Variants in ADCY7 observed in about 807,000 individuals in gnomAD.
ADCY7 encodes the protein adenylate cyclase 7, also known as adenylate cyclase type 7.
Under a neutral mutation model 120.6 loss-of-function variants are expected in ADCY7, and 72 were observed. The ratio of observed to expected loss-of-function variants is 0.60; its 90% CI spans 0.49 to 0.73. The LOEUF (loss-of-function observed/expected upper bound fraction) is 0.73. Among genes scored for constraint, ADCY7 ranks in the 30% least tolerant of loss-of-function variants. The probability of loss-of-function intolerance (pLI) is 0.00; values close to 1 mark genes in which losing one functional copy is unlikely to be tolerated. For missense variants in ADCY7, 1,227 were observed against 1,486.0 expected, an observed-to-expected ratio of 0.83 and a Z score of 2.87; for synonymous variants, 661 against 628.0, an observed-to-expected ratio of 1.05 and a Z score of -0.78.
chr16:50,291,961 G>T (rs1405885985), intron 4 of ADCY7, 64 bp downstream of exon 4: 3 of 1,521,004 alleles, frequency 2.0e-6, no homozygotes, highest in African/African-American at 1.4e-5. Flanking sequence ...CAGATGGGGG[G>T]GCCCCCTCTG....
At chr16:50,296,147 G>C (rs1039743350) in intron 7 of ADCY7, among the ~76,000 whole-genome samples, 2 of 152,144 alleles carry the variant, frequency 1.3e-5, no homozygotes, top group Admixed American at 1.3e-4. Flanking sequence ...CAACCTGCCT[G>C]GGCTCAGGCG....
chr16:50,279,909 TTTG>T (rs1167127128), intron 1 of ADCY7, among the ~76,000 whole-genome samples: 1 of 152,186 alleles, frequency 6.6e-6, no homozygotes, highest in Non-Finnish European at 1.5e-5. Flanking sequence ...TTTTCCTTTT[TTTG>T]TTGTGTCTCT....
chr16:50,316,031 CG>C lies in ADCY7; in HGVS notation c.*528del, dbSNP rs2036782894. The C allele has an allele frequency of 6.5e-6, 1 of 153,596 alleles. No homozygotes were observed. Among genetic ancestry groups the C allele is most frequent in the Non-Finnish European group, 1.4e-5 (1 of 68,986 alleles). 9.5% of individuals were successfully genotyped at this position (153,596 alleles called of 1,614,324 possible). On this transcript the variant is annotated 3_prime_UTR_variant, in exon 26 of 26. Transcript: ENST00000673801. ...GAAAGGGGTGTTTTACATCTGTAAA[CG>C]GTTTCAAACAGGTAGAGAGAAAAAC...
chr16:50,308,725 C>A lies in ADCY7; in HGVS notation c.1994C>A (p.Pro665His), dbSNP rs981883031. Residue 665 changes from proline (P) to histidine (H), a missense_variant, in exon 17 of 26, where the codon CCC (proline) becomes CAC (histidine). This residue lies in a region of ADCY7 where 267 missense variants were observed against 270.0 expected (regional missense o/e 0.99). Transcript: ENST00000673801. Reference sequence around the variant, plus strand: ...ATCTCTGAGAGGGTGGAGACACAGCCCCTGCTGAGGCTGACCCTGGCCGTC... The same window carrying A: ...ATCTCTGAGAGGGTGGAGACACAGCACCTGCTGAGGCTGACCCTGGCCGTC... ...CTISERVETQ[P>H]LLRLTLAVLT... 5 of 1,613,550 alleles carry A rather than the reference C, an allele frequency of 3.1e-6. No homozygotes were observed. Among genetic ancestry groups the A allele is most frequent in the Non-Finnish European group, 4.2e-6 (5 of 1,180,002 alleles).
intron 11 of ADCY7, 63 bp from the exon 12 acceptor site, chr16:50,304,862 C>G: frequency 6.3e-7 from 1 of 1,597,774 alleles, no homozygotes; most frequent in Non-Finnish European, 8.6e-7. Context: ...CCTGGCCCAG[C>G]AGTGGCCTTC....
In ADCY7 at chr16:50,249,294, G is replaced by T. The variant is rs574558400; in HGVS notation, c.-64+3091G>T. On this transcript the variant is annotated intron_variant, in intron 1 of 4. Transcript: ENST00000564044. ...GTCTCTACTAAAAATACAAAAATTAGCCAGGCATGGTGGTGTGTGCCTGTA... is the reference window on the plus strand; with the variant it reads ...GTCTCTACTAAAAATACAAAAATTATCCAGGCATGGTGGTGTGTGCCTGTA... 3.3e-5 allele frequency among the ~76,000 whole-genome samples: 5 copies of T among 152,224 alleles called. No individual in the cohort carries two copies. The South Asian group carries it at 1.0e-3, about 32-fold the overall frequency.
At chr16:50,267,726 T>C (rs1292672869) in intron 1 of ADCY7, among the ~76,000 whole-genome samples, 1 of 152,032 alleles carries the variant, frequency 6.6e-6, no homozygotes. Flanking sequence ...GAAAAAAAAA[T>C]CTGTAAATAG....
At chr16:50,305,064 A>G (rs765305092) in intron 12 of ADCY7, 105 bp downstream of exon 12, 145 of 1,445,536 alleles carry the variant, frequency 1.0e-4, no homozygotes, top group Non-Finnish European at 1.3e-4. Context: ...GGCCCAGCCC[A>G]GGACCTCTGT....
rs189291271 is a variant in ADCY7 at position 50,249,925 on chromosome 16, A to G, written c.-64+3722A>G. 2.2e-4 allele frequency among the ~76,000 whole-genome samples: 33 copies of G among 152,318 alleles called. 1 individual carries two copies. In the East Asian group the frequency reaches 6.4e-3, roughly 29 times the overall value. On this transcript the variant is annotated intron_variant, in intron 1 of 4. Transcript: ENST00000564044. ...AGAGGGAGCCCCTGTTCAGTTAACAACAAAGGTCTTTCTTTGGAAGCTCTT... is the reference window on the plus strand; with the variant it reads ...AGAGGGAGCCCCTGTTCAGTTAACAGCAAAGGTCTTTCTTTGGAAGCTCTT...
intron 1 of ADCY7, among the ~76,000 whole-genome samples, chr16:50,275,078 C>T (rs1596839937): frequency 6.6e-6 from 1 of 152,192 alleles, no homozygotes; most frequent in Admixed American, 6.5e-5. Context: ...GAGCTGTTTT[C>T]CTGCTTGCTT....
chr16:50,266,284 G>T (rs1271214528), upstream of ADCY7, among the ~76,000 whole-genome samples: 5 of 152,224 alleles, frequency 3.3e-5, no homozygotes, highest in African/African-American at 9.6e-5. Context: ...TTGTCTTGGG[G>T]CTTCTAATGG....
upstream of ADCY7, among the ~76,000 whole-genome samples, chr16:50,245,767 C>T (rs1335672571): frequency 1.3e-5 from 2 of 152,090 alleles, no homozygotes; most frequent in Non-Finnish European, 2.9e-5. Context: ...AGGCCTGGGG[C>T]AGAAACACTG....
intron 1 of ADCY7, among the ~76,000 whole-genome samples, chr16:50,247,539 A>ATTTTTTT (rs5816683): frequency 9.0e-6 from 1 of 111,368 alleles, no homozygotes; most frequent in Admixed American, 1.0e-4. Context: ...TAATTTAGTA[A>ATTTTTTT]TTTTTTTTTT....
In ADCY7 at chr16:50,310,720, G is replaced by A. The variant is rs562841900; in HGVS notation, c.2194G>A (p.Ala732Thr). ...CTGCAGCTGTGTCCTGGGCTTCATC[G>A]CCTGCTCGGTCTTCCTGAGGATGAG... Reference protein sequence around the residue: ...YTCSCVLGFIACSVFLRMSLE... With the variant: ...YTCSCVLGFITCSVFLRMSLE... Residue 732 changes from alanine to threonine, a missense_variant, in exon 19 of 26, where the codon GCC becomes ACC. By Grantham distance (58) the Ala-to-Thr change is moderately conservative. Transcript: ENST00000673801. 6.2e-6 allele frequency: 10 copies of A among 1,614,066 alleles called. No individual in the cohort carries two copies. Among genetic ancestry groups the A allele is most frequent in the African/African-American group, 1.3e-5 (1 of 75,010 alleles).
chr16:50,310,548 T>C lies in ADCY7; in HGVS notation c.2161-139T>C, dbSNP rs966556158. 5 of 1,550,140 alleles carry C rather than the reference T, an allele frequency of 3.2e-6. No individual in the cohort carries two copies. The South Asian group carries it at 3.5e-5, about 11-fold the overall frequency. ...CACTGGACACTCTTAGGTCTCATTG[T>C]TTTTTGTTGAGAAGGGAGGTGGTAA... On this transcript the variant is annotated intron_variant, in intron 18 of 25. Transcript: ENST00000673801.
chr16:50,260,214 C>T (rs1290421573), intron 1 of ADCY7, among the ~76,000 whole-genome samples: 4 of 152,198 alleles, frequency 2.6e-5, no homozygotes, highest in South Asian at 2.1e-4. Flanking sequence ...GCAGAAATGT[C>T]GTGAGGTCCT....
rs1366432711 is a variant in ADCY7, at chr16:50,315,649, T to C, written c.*144T>C. 2 of 1,026,712 alleles carry C rather than the reference T, an allele frequency of 1.9e-6. No homozygotes were observed. Among genetic ancestry groups the C allele is most frequent in the South Asian group, 1.7e-5 (1 of 59,388 alleles). 63.6% of individuals were successfully genotyped at this position (1,026,712 alleles called of 1,614,324 possible). The stretch of plus-strand genomic sequence containing the variant: ...GCTTCTTTGGACCTGCACTGGAGGA[T>C]TTCTCAGACACATGCACCAGATTCT... On this transcript the variant is annotated 3_prime_UTR_variant, in exon 26 of 26. Coordinates refer to ENST00000673801, the MANE Select transcript of ADCY7 (RefSeq NM_001114.5).
At position 50,299,303 on chromosome 16, in the gene ADCY7, C is replaced by T. The variant is rs546624778; in HGVS notation, c.1076+272C>T. 3.3e-4 allele frequency among the ~76,000 whole-genome samples: 50 copies of T among 152,340 alleles called. 2 individuals carry two copies. The highest frequency in any genetic ancestry group is 2.1e-3 in the Admixed American group (32 of 15,308). On this transcript the variant is annotated intron_variant, in intron 8 of 25. Coordinates refer to ENST00000673801, the MANE Select transcript of ADCY7 (RefSeq NM_001114.5). ...GATGTGAGGTCAGGGCGGTGGGCTC[C>T]GCTCCCCTCAAGGATGGGGTCTTAG...
intron 13 of ADCY7, 54 bp downstream of exon 13, chr16:50,305,640 T>A: frequency 6.6e-7 from 1 of 1,519,992 alleles, no homozygotes; most frequent in Non-Finnish European, 9.0e-7. Context: ...CGGATAGGGG[T>A]CCCCTATATG....
Sources: gnomAD v4.1 joint callset for allele counts (sites outside exome capture counted in the v4.1 genomes callset) on GRCh38, gnomAD v4.1.1 for gene constraint, gnomAD v4.1.1 regional missense constraint, MANE v1.5 for transcripts, NCBI Gene and HGNC (gene_info 2026-07-23, HGNC 2026-07-21) for gene names.